TFDP2: variants seen among roughly 807,000 people sequenced by gnomAD.
TFDP2 encodes the protein transcription factor Dp-2 (E2F dimerization partner 2).
In TFDP2, 17 loss-of-function variants were observed where a neutral mutation model predicts 59.3. The observed-to-expected ratio is 0.29, with a 90% CI of 0.20 to 0.43. TFDP2 has a LOEUF of 0.43. Among genes scored for constraint, TFDP2 ranks in the 20% least tolerant of loss-of-function variants. TFDP2 has a pLI of 1.00. For missense variants in TFDP2, 391 were observed against 528.8 expected (o/e 0.74, Z 2.56); for synonymous variants, 180 against 194.7 (o/e 0.92, Z 0.63).
At chr3:142,037,022 ACTT>A (rs1415764385) in intron 3 of TFDP2, among the ~76,000 whole-genome samples, 1 of 152,192 alleles carries the variant, frequency 6.6e-6, no homozygotes, top group East Asian at 1.9e-4. Context: ...TGTAACCTAA[ACTT>A]CTTCCTCTAC....
intron 1 of TFDP2, among the ~76,000 whole-genome samples, chr3:142,137,500 A>G (rs929308040): frequency 3.9e-5 from 6 of 152,194 alleles, no homozygotes; most frequent in African/African-American, 1.4e-4. Context: ...CCCATTCAGT[A>G]TGATATTGGC....
chr3:141,978,324 G>A lies in TFDP2; in HGVS notation c.519+196C>T, dbSNP rs538758996. Among the ~76,000 whole-genome samples, 19 of 149,790 alleles carry A rather than the reference G, an allele frequency of 1.3e-4. No individual in the cohort carries two copies. In the South Asian group the frequency reaches 3.8e-3, roughly 30 times the overall value. ...CGCGCCACTGAACTCCAGCCTGGGC[G>A]ACAGAGTGAGGTTCCGCCTAAAAAA... is the stretch of plus-strand genomic sequence containing the variant. On this transcript the variant is annotated intron_variant, in intron 7 of 12. Coordinates refer to ENST00000489671, the MANE Select transcript of TFDP2 (RefSeq NM_001178139.2).
At chr3:142,017,704 C>CA (rs1477473639) in intron 3 of TFDP2, among the ~76,000 whole-genome samples, 1 of 151,570 alleles carries the variant, frequency 6.6e-6, no homozygotes, top group Non-Finnish European at 1.5e-5. Context: ...AGGCACATGC[C>CA]ACCATGCCTG....
At chr3:142,095,337 T>C (rs1387818954) in intron 2 of TFDP2, among the ~76,000 whole-genome samples, 1 of 152,238 alleles carries the variant, frequency 6.6e-6, no homozygotes, top group Non-Finnish European at 1.5e-5. Context: ...ATAATATCAA[T>C]GTAAGAGCTA....
chr3:142,053,864 GA>G (rs1435880493), intron 3 of TFDP2, among the ~76,000 whole-genome samples: 2 of 152,180 alleles, frequency 1.3e-5, no homozygotes, highest in Non-Finnish European at 2.9e-5. Context: ...AAAATATGCT[GA>G]TGGCAAATAA....
Position 141,963,805 on chromosome 3 carries a change from C to T in TFDP2, c.884+7G>A. On this transcript the variant is annotated splice_region_variant and intron_variant, in intron 10 of 12. Transcript: ENST00000489671. ...AGCCCTGCACCCATCCCTAGTTCTC[C>T]ACTCACTTGTCACTGGAGATGCTGC... 1.2e-6 allele frequency: 2 copies of T among 1,610,028 alleles called. No individual in the cohort carries two copies. Among genetic ancestry groups the T allele is most frequent in the South Asian group, 1.1e-5 (1 of 90,266 alleles).
At chr3:141,982,901 A>G (rs1941640765) in intron 6 of TFDP2, among the ~76,000 whole-genome samples, 1 of 152,204 alleles carries the variant, frequency 6.6e-6, no homozygotes, top group Non-Finnish European at 1.5e-5. Context: ...ACATATTTTG[A>G]GCAGTTTACT....
At chr3:142,086,546 G>A (rs347682) in intron 3 of TFDP2, among the ~76,000 whole-genome samples, 135,558 of 152,248 alleles carry the variant, frequency 0.89, 60,612 homozygotes, top group African/African-American at 0.97. Flanking sequence ...AACAAAGGAC[G>A]TAGATGAACA....
chr3:141,991,012 C>G (rs1942705218), intron 6 of TFDP2, among the ~76,000 whole-genome samples: 2 of 151,424 alleles, frequency 1.3e-5, no homozygotes, highest in South Asian at 4.2e-4. Context: ...GAGCCGAGAT[C>G]ACACCACTGC....
Position 141,974,338 on chromosome 3 carries a change from G to T in TFDP2, c.520-147C>A, listed in dbSNP as rs554193052. On this transcript the variant is annotated intron_variant, in intron 7 of 12. Transcript: ENST00000489671. ...AGCCAACTGACAAAAACATCCAAAA[G>T]AATTCTATATTCCGAGAAAATATCC... 3.9e-5 allele frequency: 22 copies of T among 567,734 alleles called. No homozygotes were observed. In the South Asian group the frequency reaches 7.0e-4, roughly 18 times the overall value. 35.2% of individuals were successfully genotyped at this position (567,734 alleles called of 1,614,324 possible).
intron 1 of TFDP2, among the ~76,000 whole-genome samples, chr3:142,141,251 C>G (rs1224870945): frequency 6.6e-6 from 1 of 152,212 alleles, no homozygotes; most frequent in Non-Finnish European, 1.5e-5. Context: ...CGAGAGCGTC[C>G]CATTTTTCCA....
intron 3 of TFDP2, 84 bp from the exon 4 acceptor site, chr3:142,005,628 C>A: frequency 1.2e-6 from 1 of 841,646 alleles, no homozygotes; most frequent in Non-Finnish European, 1.8e-6. Context: ...GGTCCTAATT[C>A]ATTATGTTGA....
chr3:141,969,205 A>ACATATATATATATCT (rs1307322343), intron 9 of TFDP2, among the ~76,000 whole-genome samples: 1 of 76,384 alleles, frequency 1.3e-5, no homozygotes, highest in Non-Finnish European at 2.5e-5. Flanking sequence ...TATATATATA[A>ACATATATATATATCT]CATATATATA....
chr3:142,009,791 C>T (rs907250254), intron 3 of TFDP2, among the ~76,000 whole-genome samples: 2 of 150,804 alleles, frequency 1.3e-5, no homozygotes, highest in Non-Finnish European at 2.9e-5. Flanking sequence ...TTCACCTATA[C>T]ATGAAAATTT....
At position 142,127,303 on chromosome 3, in the gene TFDP2, C is replaced by CTTTT. The variant is rs769181436; in HGVS notation, c.-93+21876_-93+21879dup. Among the ~76,000 whole-genome samples the CTTTT allele has an allele frequency of 3.8e-4, 41 of 108,346 alleles. 1 individual carries two copies. Among genetic ancestry groups the CTTTT allele is most frequent in the Non-Finnish European group, 5.8e-4 (30 of 51,534 alleles). 71.1% of individuals were successfully genotyped at this position (108,346 alleles called of 152,430 possible). ...GACAGACATGTTTCACTACACTCCG[C>CTTTT]TTTTTTTTTTTTTTTTTTTTTTGAG... On this transcript the variant is annotated intron_variant, in intron 1 of 12. Coordinates refer to ENST00000489671, the MANE Select transcript of TFDP2 (RefSeq NM_001178139.2).
chr3:142,058,714 G>A (rs1308512016), intron 3 of TFDP2, among the ~76,000 whole-genome samples: 1 of 152,156 alleles, frequency 6.6e-6, no homozygotes, highest in Non-Finnish European at 1.5e-5. Context: ...GGGGGTGGGT[G>A]CACAGAGCTT....
chr3:142,105,919 AT>A (rs999997343), intron 1 of TFDP2, among the ~76,000 whole-genome samples: 2 of 152,090 alleles, frequency 1.3e-5, no homozygotes, highest in Non-Finnish European at 2.9e-5. Flanking sequence ...TACATGTAAA[AT>A]TACTAAGACA....
At chr3:142,114,944 C>T (rs1704050538) in intron 1 of TFDP2, among the ~76,000 whole-genome samples, 1 of 151,864 alleles carries the variant, frequency 6.6e-6, no homozygotes, top group Non-Finnish European at 1.5e-5. Context: ...TCAAGATGTC[C>T]TATAAAGCCT....
intron 1 of TFDP2, among the ~76,000 whole-genome samples, chr3:142,143,451 A>G (rs781750342): frequency 4.6e-5 from 7 of 152,170 alleles, no homozygotes; most frequent in South Asian, 4.1e-4. Context: ...TACAATCAAC[A>G]AAGTGAAGAG....
Sources: allele counts gnomAD v4.1 joint callset (sites outside exome capture counted in the v4.1 genomes callset), GRCh38; gene constraint gnomAD v4.1.1; transcripts MANE v1.5; gene names NCBI Gene and HGNC (gene_info 2026-07-23, HGNC 2026-07-21).